The following GNA14 variants were observed in gnomAD, a reference collection of about 807,000 sequenced individuals.
The protein encoded by GNA14 is guanine nucleotide-binding protein subunit alpha-14.
GNA14 carries 50 observed loss-of-function variants against 42.0 expected under a neutral mutation model. The observed-to-expected ratio is 1.19, with a 90% CI of 0.95 to 1.51. GNA14 has a LOEUF of 1.51. GNA14 is among the 40% of genes most tolerant of loss of function. GNA14 has a pLI of 0.00. For missense variants in GNA14, 473 were observed against 446.2 expected, an observed-to-expected ratio of 1.06 and a Z score of -0.54; for synonymous variants, 173 against 163.1, an observed-to-expected ratio of 1.06 and a Z score of -0.46.
At chr9:77,595,991 C>G (rs1424000131) in intron 1 of GNA14, among the ~76,000 whole-genome samples, 1 of 152,022 alleles carries the variant, frequency 6.6e-6, no homozygotes, top group Non-Finnish European at 1.5e-5. Flanking sequence ...GGGGCTCCCT[C>G]AGACCTGCAG....
chr9:77,430,914 A>G (rs1371413485), intron 4 of GNA14, among the ~76,000 whole-genome samples: 1 of 152,114 alleles, frequency 6.6e-6, no homozygotes, highest in Non-Finnish European at 1.5e-5. Flanking sequence ...TTAATTTTCT[A>G]AGGATAAATC....
chr9:77,432,108 T>TA (rs10624008), intron 3 of GNA14, among the ~76,000 whole-genome samples: 30,210 of 142,104 alleles, frequency 0.21, 3,116 homozygotes, highest in East Asian at 0.37. Context: ...GAGAATCCTT[T>TA]AAAAAAAAAA....
At chr9:77,488,647 A>T (rs1354758044) in intron 2 of GNA14, among the ~76,000 whole-genome samples, 1 of 151,988 alleles carries the variant, frequency 6.6e-6, no homozygotes, top group Non-Finnish European at 1.5e-5. Flanking sequence ...GATGGGCAGC[A>T]CTCTGGTTTT....
At chr9:77,446,169 TGCTTTGCCCCACCTGTGG>T (rs1835815126) in intron 2 of GNA14, among the ~76,000 whole-genome samples, 1 of 152,168 alleles carries the variant, frequency 6.6e-6, no homozygotes, top group East Asian at 1.9e-4. Flanking sequence ...AAGTAACAAA[TGCTTTGCCCCACCTGTGG>T]GCTTCCTGCA....
At chr9:77,621,082 T>C (rs1443248490) in intron 1 of GNA14, among the ~76,000 whole-genome samples, 1 of 151,786 alleles carries the variant, frequency 6.6e-6, no homozygotes, top group African/African-American at 2.4e-5. Flanking sequence ...CACAGGAGCA[T>C]GCCACCATGT....
chr9:77,465,836 G>GTCTAA (rs1836213214), intron 2 of GNA14, among the ~76,000 whole-genome samples: 2 of 152,022 alleles, frequency 1.3e-5, no homozygotes, highest in African/African-American at 4.8e-5. Context: ...TGACCTCCTG[G>GTCTAA]GCTCAAGCAG....
At chr9:77,633,539 AT>A (rs1226011506) in intron 1 of GNA14, among the ~76,000 whole-genome samples, 1 of 152,134 alleles carries the variant, frequency 6.6e-6, no homozygotes, top group Non-Finnish European at 1.5e-5. Flanking sequence ...CAACAATCCA[AT>A]TTACATTTTT....
At chr9:77,457,760 A>G (rs762842671) in intron 2 of GNA14, among the ~76,000 whole-genome samples, 15 of 152,196 alleles carry the variant, frequency 9.9e-5, no homozygotes, top group South Asian at 2.1e-4. Context: ...TCCTGCTCCA[A>G]TGATAATTCA....
intron 2 of GNA14, among the ~76,000 whole-genome samples, chr9:77,525,523 C>T (rs1837419287): frequency 6.6e-6 from 1 of 151,626 alleles, no homozygotes; most frequent in Non-Finnish European, 1.5e-5. Flanking sequence ...AAGAATCCTG[C>T]CCAGGGATGG....
intron 2 of GNA14, among the ~76,000 whole-genome samples, chr9:77,516,224 C>T (rs1246471629): frequency 1.3e-5 from 2 of 152,188 alleles, no homozygotes; most frequent in Non-Finnish European, 2.9e-5. Context: ...TTAGAAAGCA[C>T]TCTTAGCTTG....
chr9:77,475,820 A>C (rs748772095), intron 2 of GNA14, among the ~76,000 whole-genome samples: 1 of 152,162 alleles, frequency 6.6e-6, no homozygotes, highest in South Asian at 2.1e-4. Context: ...TCTGGAAAGG[A>C]GACCTACGTG....
chr9:77,478,656 T>G (rs1384191413), intron 2 of GNA14, among the ~76,000 whole-genome samples: 3 of 152,120 alleles, frequency 2.0e-5, no homozygotes, highest in African/African-American at 4.8e-5. Context: ...AGTATAAAAG[T>G]GTTCCTATTT....
At chr9:77,480,261 G>T (rs1836520154) in intron 2 of GNA14, among the ~76,000 whole-genome samples, 1 of 152,156 alleles carries the variant, frequency 6.6e-6, no homozygotes, top group Admixed American at 6.5e-5. Flanking sequence ...TTAGCATGAA[G>T]GGTTGTTGAA....
intron 2 of GNA14, among the ~76,000 whole-genome samples, chr9:77,524,886 C>T (rs1033558256): frequency 2.2e-4 from 33 of 152,204 alleles, no homozygotes; most frequent in African/African-American, 7.9e-4. Context: ...AAATCACTTC[C>T]TTTTGCTCAT....
At chr9:77,643,425 G>C (rs1824300980) in intron 1 of GNA14, among the ~76,000 whole-genome samples, 1 of 152,060 alleles carries the variant, frequency 6.6e-6, no homozygotes. Flanking sequence ...TTTTAGTAGA[G>C]ACAGTGTTTC....
intron 1 of GNA14, among the ~76,000 whole-genome samples, chr9:77,625,448 T>A (rs1400857307): frequency 1.3e-5 from 2 of 151,618 alleles, no homozygotes; most frequent in Admixed American, 1.3e-4. Flanking sequence ...AGTTGTCAGG[T>A]TGAAATGAAG....
At chr9:77,500,879 G>A (rs1358819136) in intron 2 of GNA14, among the ~76,000 whole-genome samples, 7 of 152,112 alleles carry the variant, frequency 4.6e-5, no homozygotes, top group Non-Finnish European at 1.0e-4. Flanking sequence ...AAACATTTGT[G>A]TACAGGTTTT....
At chr9:77,493,735 G>C (rs1836825567) in intron 2 of GNA14, among the ~76,000 whole-genome samples, 1 of 151,952 alleles carries the variant, frequency 6.6e-6, no homozygotes, top group South Asian at 2.1e-4. Context: ...AGCTCTTTGG[G>C]TTATTATTTG....
At chr9:77,466,711 A>C (rs1836234459) in intron 2 of GNA14, among the ~76,000 whole-genome samples, 1 of 152,116 alleles carries the variant, frequency 6.6e-6, no homozygotes, top group Non-Finnish European at 1.5e-5. Flanking sequence ...AGAGCTGGAC[A>C]CTTTAGATAA....
Sources: gnomAD v4.1 joint callset for allele counts (sites outside exome capture counted in the v4.1 genomes callset) on GRCh38, gnomAD v4.1.1 for gene constraint, MANE v1.5 for transcripts, NCBI Gene and HGNC (gene_info 2026-07-23, HGNC 2026-07-21) for gene names.